RARB: variants seen among roughly 807,000 people sequenced by gnomAD.
RARB encodes the protein retinoic acid receptor beta, also known as HBV-activated protein.
A neutral mutation model predicts 51.9 loss-of-function variants in RARB; 17 were observed. That is an observed-to-expected ratio of 0.33 (90% CI 0.22 to 0.49). The LOEUF (loss-of-function observed/expected upper bound fraction) is 0.49. Ranked by LOEUF, RARB falls within the 20% of genes least tolerant of loss-of-function variation. The pLI is 0.99. For missense variants in RARB, 369 were observed against 550.8 expected, an observed-to-expected ratio of 0.67 and a Z score of 3.30; for synonymous variants, 215 against 195.4, an observed-to-expected ratio of 1.10 and a Z score of -0.84.
intron 5 of RARB, among the ~76,000 whole-genome samples, chr3:25,309,989 C>A (rs2125433009): frequency 1.3e-5 from 2 of 152,356 alleles, no homozygotes; most frequent in East Asian, 3.9e-4. Flanking sequence ...ACACATATTT[C>A]TTGCCCCTTC....
chr3:24,891,475 C>A (rs1703376794), intron 2 of RARB, among the ~76,000 whole-genome samples: 1 of 152,184 alleles, frequency 6.6e-6, no homozygotes, highest in East Asian at 1.9e-4. Context: ...AAACTCACAT[C>A]TGAAGTGCTA....
rs1457429196 is a variant in RARB, at chr3:25,032,152, C to T, written c.-379-27973C>T. 1.2e-4 allele frequency among the ~76,000 whole-genome samples: 19 copies of T among 152,202 alleles called. No homozygotes were observed. In the East Asian group the frequency reaches 3.5e-3, roughly 28 times the overall value. On this transcript the variant is annotated intron_variant, in intron 2 of 11. Transcript: ENST00000383772. ...AATTCATAAATTTACTAATTGTTTC[C>T]CTCTGCTACTATAGTAGCCAGTGTT...
intron 5 of RARB, among the ~76,000 whole-genome samples, chr3:25,256,987 AG>A (rs1417936670): frequency 2.0e-5 from 3 of 152,116 alleles, no homozygotes; most frequent in Non-Finnish European, 4.4e-5. Context: ...TCATACGATA[AG>A]GACTATCCTA....
intron 4 of RARB, among the ~76,000 whole-genome samples, chr3:25,160,197 G>A (rs528313884): frequency 4.1e-4 from 62 of 152,248 alleles, no homozygotes; most frequent in African/African-American, 1.4e-3. Context: ...TAATTTTCAG[G>A]ACAGCTCTAA....
chr3:24,859,211 T>C (rs1702694479), intron 2 of RARB, among the ~76,000 whole-genome samples: 1 of 151,948 alleles, frequency 6.6e-6, no homozygotes, highest in African/African-American at 2.4e-5. Flanking sequence ...GAGAAAAGAA[T>C]TGAGCTGATG....
At chr3:24,910,338 C>T (rs1222835945) in intron 2 of RARB, among the ~76,000 whole-genome samples, 6 of 152,118 alleles carry the variant, frequency 3.9e-5, no homozygotes, top group Admixed American at 3.9e-4. Context: ...TTCAGTCCCG[C>T]TAATACTAAT....
At chr3:24,850,060 A>G (rs1350284537) in intron 1 of RARB, among the ~76,000 whole-genome samples, 2 of 152,124 alleles carry the variant, frequency 1.3e-5, no homozygotes. Flanking sequence ...ACCTCCTTTT[A>G]TTTGTGTCCT....
intron 2 of RARB, among the ~76,000 whole-genome samples, chr3:25,045,365 G>A (rs925295818): frequency 1.3e-5 from 2 of 152,166 alleles, no homozygotes; most frequent in Non-Finnish European, 2.9e-5. Context: ...CAGGAGGGGG[G>A]TTTATCAGGA....
At chr3:25,341,092 C>G (rs1247665176) in intron 5 of RARB, among the ~76,000 whole-genome samples, 9 of 152,200 alleles carry the variant, frequency 5.9e-5, no homozygotes, top group Admixed American at 5.9e-4. Context: ...GAACACTCAA[C>G]TTTGCCTCTA....
intron 2 of RARB, among the ~76,000 whole-genome samples, chr3:24,955,813 C>A (rs1696001819): frequency 6.6e-6 from 1 of 151,980 alleles, no homozygotes; most frequent in Non-Finnish European, 1.5e-5. Flanking sequence ...AGTGGAGCTG[C>A]ACAGGAATAA....
rs1695890496 is a variant in RARB at position 24,951,512 on chromosome 3, A to C, written c.-380+92760A>C. ...CATGACTAGCTAAACGCTTGCTGAG[A>C]AGTGTCATAAGATTGGTGTTCCTAG... On this transcript the variant is annotated intron_variant, in intron 2 of 11. Coordinates refer to the RARB transcript ENST00000383772. 2.0e-5 allele frequency among the ~76,000 whole-genome samples: 3 copies of C among 152,160 alleles called. No homozygotes were observed. In the East Asian group the frequency reaches 5.8e-4, roughly 29 times the overall value.
chr3:25,420,878 G>A (rs1707838146), intron 5 of RARB, among the ~76,000 whole-genome samples: 3 of 150,540 alleles, frequency 2.0e-5, no homozygotes, highest in Admixed American at 1.3e-4. Flanking sequence ...AAAGATAACA[G>A]ATGATAACAC....
chr3:25,015,350 G>T (rs934413753), intron 2 of RARB, among the ~76,000 whole-genome samples: 1 of 152,074 alleles, frequency 6.6e-6, no homozygotes, highest in South Asian at 2.1e-4. Context: ...TCTTAGATGC[G>T]AGGAATACTT....
chr3:25,414,988 C>T (rs1444499160), intron 5 of RARB, among the ~76,000 whole-genome samples: 2 of 152,070 alleles, frequency 1.3e-5, no homozygotes, highest in African/African-American at 4.8e-5. Context: ...ATTACAGGCA[C>T]CTGCCACCAT....
chr3:24,963,680 A>T (rs1286621417), intron 2 of RARB, among the ~76,000 whole-genome samples: 3 of 151,926 alleles, frequency 2.0e-5, no homozygotes, highest in Non-Finnish European at 4.4e-5. Context: ...CACTAAGTGG[A>T]GAGGAACAAG....
chr3:24,859,219 A>T (rs528289405), intron 2 of RARB, among the ~76,000 whole-genome samples: 1 of 152,102 alleles, frequency 6.6e-6, no homozygotes, highest in South Asian at 2.1e-4. Context: ...AATTGAGCTG[A>T]TGTCTTTCTC....
At chr3:25,367,689 G>A (rs921028585) in intron 5 of RARB, among the ~76,000 whole-genome samples, 25 of 151,638 alleles carry the variant, frequency 1.6e-4, no homozygotes, top group African/African-American at 4.8e-4. Flanking sequence ...AGCCGCATAT[G>A]GGGGTGTGCA....
intron 2 of RARB, among the ~76,000 whole-genome samples, chr3:25,010,898 A>G (rs2125279841): frequency 6.6e-6 from 1 of 152,210 alleles, no homozygotes; most frequent in East Asian, 1.9e-4. Context: ...TTCTACCAAT[A>G]TCTGCCACTC....
intron 3 of RARB, among the ~76,000 whole-genome samples, chr3:25,535,660 G>A (rs1699111632): frequency 6.6e-6 from 1 of 152,118 alleles, no homozygotes; most frequent in Non-Finnish European, 1.5e-5. Context: ...AACATGCGGT[G>A]TTTGGCTTTC....
Sources: gnomAD v4.1 joint callset for allele counts (sites outside exome capture counted in the v4.1 genomes callset) on GRCh38, gnomAD v4.1.1 for gene constraint, MANE v1.5 for transcripts, NCBI Gene and HGNC (gene_info 2026-07-23, HGNC 2026-07-21) for gene names.